Variants in CDH12 observed in about 807,000 individuals in gnomAD.
CDH12 encodes the protein cadherin-12.
CDH12 carries 41 observed loss-of-function variants against 74.1 expected under a neutral mutation model. The ratio of observed to expected loss-of-function variants is 0.55; its 90% CI spans 0.43 to 0.72. The LOEUF is 0.72. CDH12 is among the 30% of genes least tolerant of loss of function. The pLI, the probability that CDH12 is intolerant of heterozygous loss-of-function variation, is 0.00. For missense variants in CDH12, 945 were observed against 977.2 expected (o/e 0.97, Z 0.44); for synonymous variants, 399 against 355.0 (o/e 1.12, Z -1.39).
At chr5:22,754,423 G>A (rs937766125) in intron 1 of CDH12, among the ~76,000 whole-genome samples, 17 of 152,164 alleles carry the variant, frequency 1.1e-4, no homozygotes, top group African/African-American at 4.1e-4. Flanking sequence ...AAACAGCATG[G>A]TGAGTAATAC....
chr5:22,530,142 A>G (rs537264531), intron 1 of CDH12, among the ~76,000 whole-genome samples: 1 of 152,324 alleles, frequency 6.6e-6, no homozygotes, highest in African/African-American at 2.4e-5. Context: ...TCAAACCATC[A>G]AAGAGTAAGT....
At chr5:21,786,434 G>A (rs997879831) in intron 10 of CDH12, among the ~76,000 whole-genome samples, 4 of 152,006 alleles carry the variant, frequency 2.6e-5, no homozygotes, top group Admixed American at 2.0e-4. Flanking sequence ...TTACAGGCGT[G>A]AGCCACCACA....
At chr5:22,097,517 C>T (rs1447459150) in intron 4 of CDH12, among the ~76,000 whole-genome samples, 2 of 152,142 alleles carry the variant, frequency 1.3e-5, no homozygotes, top group African/African-American at 2.4e-5. Flanking sequence ...TCTTTAAACT[C>T]CCCAACTCTA....
At chr5:21,870,414 G>GA (rs1165504276) in intron 6 of CDH12, among the ~76,000 whole-genome samples, 1 of 151,962 alleles carries the variant, frequency 6.6e-6, no homozygotes, top group East Asian at 1.9e-4. Context: ...TAAAATGGCA[G>GA]AAAAAAAGTG....
intron 2 of CDH12, among the ~76,000 whole-genome samples, chr5:22,494,586 T>G (rs1198792643): frequency 1.3e-5 from 2 of 152,246 alleles, no homozygotes; most frequent in African/African-American, 4.8e-5. Context: ...AGAAATCTGC[T>G]CCAGGAACTT....
intron 1 of CDH12, among the ~76,000 whole-genome samples, chr5:22,761,930 AACAC>A (rs10662625): frequency 0.022 from 3,248 of 149,062 alleles, 118 homozygotes; most frequent in African/African-American, 0.075. Flanking sequence ...TAATTTCTCA[AACAC>A]ACACACACAC....
chr5:22,788,776 T>G (rs1206520061), intron 1 of CDH12, among the ~76,000 whole-genome samples: 1 of 150,934 alleles, frequency 6.6e-6, no homozygotes, highest in East Asian at 1.9e-4. Flanking sequence ...TTTTTTCTTT[T>G]GAAGAAGGTA....
chr5:22,200,039 G>T (rs1421258588), intron 4 of CDH12, among the ~76,000 whole-genome samples: 1 of 152,052 alleles, frequency 6.6e-6, no homozygotes, highest in Admixed American at 6.6e-5. Context: ...CTAAATATCT[G>T]TGAGAGAAAT....
At chr5:22,597,298 A>C (rs1439480963) in intron 1 of CDH12, among the ~76,000 whole-genome samples, 1 of 152,242 alleles carries the variant, frequency 6.6e-6, no homozygotes, top group East Asian at 1.9e-4. Context: ...AGCTTAAATT[A>C]ACTAATTTGA....
At chr5:21,942,347 TACACACACACACACACAC>T (rs70957081) in intron 6 of CDH12, among the ~76,000 whole-genome samples, 10 of 129,664 alleles carry the variant, frequency 7.7e-5, no homozygotes, top group South Asian at 2.5e-4. Flanking sequence ...TATATATATA[TACACACACACACACACAC>T]ACACACACAC....
chr5:22,765,284 G>A lies in CDH12; in HGVS notation c.-523+87774C>T, dbSNP rs200540343. On this transcript the variant is annotated intron_variant, in intron 1 of 14. Coordinates refer to ENST00000382254, the MANE Select transcript of CDH12 (RefSeq NM_004061.5). ...AATTACACTAACAATAAACCAAGGGGTGAATAAAAGTGTCTACTAAATACA... is the reference window on the plus strand; with the variant it reads ...AATTACACTAACAATAAACCAAGGGATGAATAAAAGTGTCTACTAAATACA... Among the ~76,000 whole-genome samples, 5 of 151,956 alleles carry A rather than the reference G, an allele frequency of 3.3e-5. No homozygotes were observed. In the East Asian group the frequency reaches 9.7e-4, roughly 29 times the overall value.
chr5:21,803,109 CAA>C (rs1201114624), intron 9 of CDH12, among the ~76,000 whole-genome samples: 1 of 149,778 alleles, frequency 6.7e-6, no homozygotes, highest in African/African-American at 2.5e-5. Context: ...CAATGATAAA[CAA>C]AAAAATGAAT....
intron 8 of CDH12, among the ~76,000 whole-genome samples, chr5:21,825,632 G>A (rs1748627539): frequency 6.6e-6 from 1 of 152,018 alleles, no homozygotes; most frequent in African/African-American, 2.4e-5. Context: ...CACTCCACAA[G>A]CAGCCTTACC....
intron 9 of CDH12, among the ~76,000 whole-genome samples, 153 bp downstream of exon 9, chr5:21,816,792 C>T (rs6880580): frequency 0.96 from 146,447 of 151,816 alleles, 70,650 homozygotes; most frequent in East Asian, 1. Flanking sequence ...TTTGACGGCA[C>T]GGAGTATCAG....
intron 1 of CDH12, among the ~76,000 whole-genome samples, chr5:22,545,519 T>C (rs1738277502): frequency 6.6e-6 from 1 of 152,192 alleles, no homozygotes; most frequent in Non-Finnish European, 1.5e-5. Flanking sequence ...AATAGCAGGG[T>C]CATAACAAAT....
At chr5:22,770,272 A>G (rs1040088738) in intron 1 of CDH12, among the ~76,000 whole-genome samples, 1 of 152,182 alleles carries the variant, frequency 6.6e-6, no homozygotes, top group African/African-American at 2.4e-5. Flanking sequence ...GTAGGACAAC[A>G]GATTAAAGAA....
intron 2 of CDH12, among the ~76,000 whole-genome samples, chr5:22,503,723 G>A (rs1055502056): frequency 2.0e-5 from 3 of 151,888 alleles, no homozygotes; most frequent in South Asian, 2.1e-4. Flanking sequence ...TCTTCTTATC[G>A]TTGTACATAG....
intron 3 of CDH12, among the ~76,000 whole-genome samples, chr5:22,361,530 A>G (rs1376343655): frequency 6.6e-6 from 1 of 152,204 alleles, no homozygotes; most frequent in Non-Finnish European, 1.5e-5. Flanking sequence ...ATTCAATGCC[A>G]TCCCCATCAA....
chr5:22,466,797 T>C (rs1745747520), intron 2 of CDH12, among the ~76,000 whole-genome samples: 1 of 135,188 alleles, frequency 7.4e-6, no homozygotes, highest in Non-Finnish European at 1.6e-5. Context: ...TTTTTTTTTT[T>C]TTTTTTTTTT....
Sources: allele counts gnomAD v4.1 joint callset (sites outside exome capture counted in the v4.1 genomes callset), GRCh38; gene constraint gnomAD v4.1.1; transcripts MANE v1.5; gene names NCBI Gene and HGNC (gene_info 2026-07-23, HGNC 2026-07-21).